Variants in SLC47A2 observed in about 807,000 individuals in gnomAD.
The protein encoded by SLC47A2 is multidrug and toxin extrusion protein 2.
SLC47A2 carries 52 observed loss-of-function variants against 67.7 expected under a neutral mutation model. That is an observed-to-expected ratio of 0.77 (90% CI 0.61 to 0.97). The LOEUF is 0.97. SLC47A2 is among the 50% of genes least tolerant of loss of function. SLC47A2 has a pLI of 0.00. For synonymous variants in SLC47A2, 278 were observed against 292.9 expected (o/e 0.95, Z 0.52); for missense variants, 676 against 712.3 (o/e 0.95, Z 0.58).
rs2085312580 is a variant in SLC47A2 at position 19,681,470 on chromosome 17, G to C, written c.1298-9C>G. On this transcript the variant is annotated splice_polypyrimidine_tract_variant and intron_variant, in intron 14 of 16. Coordinates refer to ENST00000433844, the MANE Select transcript of SLC47A2 (RefSeq NM_001099646.3). ...CATGCCCAGCCAGAGGCCTGGAGGA[G>C]ACAAGTGATGATGGGAACAATGTCC... 1.2e-6 allele frequency: 2 copies of C among 1,614,078 alleles called. No individual in the cohort carries two copies.
intron 1 of SLC47A2, 38 bp from the exon 2 acceptor site, chr17:19,715,255 G>A (rs755030756): frequency 6.3e-7 from 1 of 1,576,862 alleles, no homozygotes; most frequent in Non-Finnish European, 8.6e-7. Context: ...GGGGCCACAG[G>A]TGCCCACACA....
At chr17:19,703,777 G>A (rs997911197) in intron 11 of SLC47A2, among the ~76,000 whole-genome samples, 1 of 152,204 alleles carries the variant, frequency 6.6e-6, no homozygotes, top group African/African-American at 2.4e-5. Flanking sequence ...TTGCTCTAAG[G>A]TAAGTGGTAG....
rs529520024 is a variant in SLC47A2, at chr17:19,706,730, G to A, written c.759C>T (p.Gly253=). ...TGGGGACAGCCAGGGAGAAGAAGGG[G>A]CCCCAGTCCTGCAGGCACTGGCTGG... The part of the protein sequence containing the change: ...GWSSQCLQDW[G]PFFSLAVPSM... The change falls in exon 9 of 17, where the codon GGC becomes GGT. Residue 253 remains glycine, a synonymous_variant. Transcript: ENST00000433844. 1 of 1,610,834 alleles carries A rather than the reference G, an allele frequency of 6.2e-7. No individual in the cohort carries two copies. Among genetic ancestry groups the A allele is most frequent in the African/African-American group, 1.3e-5 (1 of 74,788 alleles).
At chr17:19,697,477 A>G (rs2085689762) in intron 13 of SLC47A2, among the ~76,000 whole-genome samples, 2 of 152,218 alleles carry the variant, frequency 1.3e-5, no homozygotes, top group Admixed American at 1.3e-4. Context: ...CTATCTCTCA[A>G]CACTGTTACA....
Position 19,713,719 on chromosome 17 carries a change from G to A in SLC47A2, c.443+106C>T, listed in dbSNP as rs1462421782. 4 of 1,476,296 alleles carry A rather than the reference G, an allele frequency of 2.7e-6. No homozygotes were observed. The East Asian group carries it at 9.2e-5, about 34-fold the overall frequency. The allele number at this position is 1,476,296 out of a possible 1,614,324, so 91.4% of individuals were successfully genotyped here. A position where few individuals can be genotyped will look rare whatever the true frequency, so the allele number is the denominator to read the frequency against. ...CAGGCACCGTGCACTGTGAGCACTC[G>A]TGGCCTAGAGAAGCATGGGGTGTGA... On this transcript the variant is annotated intron_variant, in intron 4 of 16. Coordinates refer to ENST00000433844, the MANE Select transcript of SLC47A2 (RefSeq NM_001099646.3).
intron 13 of SLC47A2, among the ~76,000 whole-genome samples, chr17:19,691,120 TC>T (rs1031355263): frequency 2.0e-5 from 3 of 147,756 alleles, no homozygotes; most frequent in African/African-American, 7.5e-5. Context: ...CGAAACTCCG[TC>T]TAAAAAAAAA....
Position 19,685,992 on chromosome 17 carries a change from G to A in SLC47A2, c.1165-4322C>T, listed in dbSNP as rs1344559595. On this transcript the variant is annotated intron_variant, in intron 13 of 16. Transcript: ENST00000433844. The surrounding 1 kb of genome is among the most constrained non-coding windows in gnomAD (Gnocchi z 4.5). ...TAATGGATTATTGGCCAGGCACAGT[G>A]GCTGATGTCTGTAATCCCAGCACTT... is the stretch of plus-strand genomic sequence containing the variant. 6.6e-6 allele frequency among the ~76,000 whole-genome samples: 1 copy of A among 152,112 alleles called. No homozygotes were observed. The highest frequency in any genetic ancestry group is 1.5e-5 in the Non-Finnish European group (1 of 68,022).
intron 14 of SLC47A2, 34 bp downstream of exon 14, chr17:19,681,503 AC>A (rs1385690442): frequency 6.2e-7 from 1 of 1,614,136 alleles, no homozygotes; most frequent in South Asian, 1.1e-5. Flanking sequence ...TCCGACGACC[AC>A]CCAGGCCTCT....
At chr17:19,682,190 A>C (rs772376129) in intron 13 of SLC47A2, among the ~76,000 whole-genome samples, 18 of 152,038 alleles carry the variant, frequency 1.2e-4, no homozygotes, top group Non-Finnish European at 2.4e-4. Context: ...AAATGGTGAA[A>C]CCCCATCTCT....
chr17:19,702,962 GA>G, intron 12 of SLC47A2, 129 bp downstream of exon 12: 1 of 1,064,318 alleles, frequency 9.4e-7, no homozygotes, highest in Non-Finnish European at 1.4e-6. Context: ...TCCTCTCAGT[GA>G]GAGCCAAGCC....
chr17:19,713,950 C>G lies in SLC47A2; in HGVS notation c.318G>C (p.Lys106Asn), dbSNP rs145393550. Residue 106 changes from lysine (K) to asparagine (N), a missense_variant, in exon 4 of 17, where the codon AAG becomes AAC. Physicochemically the swap from Lys to Asn is moderately conservative, Grantham distance 94 (BLOSUM62 0). Transcript: ENST00000433844. ...MSQSFGSPNKKHVGVILQRGA... is the reference protein window; with the variant it reads ...MSQSFGSPNKNHVGVILQRGA... ...CCCGCTGCAGGATCACGCCCACGTG[C>G]TTCTTGTTGGGGCTGCCGAAGCTCT... The G allele has an allele frequency of 5.4e-5, 87 of 1,613,056 alleles. No homozygotes were observed. Among genetic ancestry groups the G allele is most frequent in the Non-Finnish European group, 7.0e-5 (83 of 1,179,464 alleles).
intron 13 of SLC47A2, among the ~76,000 whole-genome samples, chr17:19,692,092 G>A (rs545832871): frequency 6.6e-6 from 1 of 152,102 alleles, no homozygotes; most frequent in Non-Finnish European, 1.5e-5. Flanking sequence ...GCCAGATGTG[G>A]TGGTGGGCAC....
chr17:19,678,704 G>T lies in SLC47A2; in HGVS notation c.1683C>A (p.Ile561=), dbSNP rs767258074. 1.9e-6 allele frequency: 3 copies of T among 1,612,860 alleles called. No individual in the cohort carries two copies. The highest frequency in any genetic ancestry group is 1.3e-5 in the African/African-American group (1 of 75,010). Residue 561 remains isoleucine (I), a synonymous_variant, in exon 17 of 17, where the codon ATC becomes ATA. Coordinates refer to ENST00000433844, the MANE Select transcript of SLC47A2 (RefSeq NM_001099646.3). ...ATLMVGLTVR[I]LATRH is the part of the protein sequence containing the mutation. ...TTCTTTGCTAGTGCCTGGTGGCTAG[G>T]ATCCTGACCGTGAGCCCCACCATCA...
chr17:19,707,927 C>CA, intron 7 of SLC47A2, 84 bp from the exon 8 acceptor site: 1 of 1,317,602 alleles, frequency 7.6e-7, no homozygotes, highest in Non-Finnish European at 1.1e-6. Context: ...CTCTGGCGGC[C>CA]AGCCCGTGTG....
chr17:19,691,952 T>A (rs1316019448), intron 13 of SLC47A2, among the ~76,000 whole-genome samples: 1 of 152,102 alleles, frequency 6.6e-6, no homozygotes, highest in Non-Finnish European at 1.5e-5. Flanking sequence ...TAAAATTGGC[T>A]GGCGCAGTGG....
intron 15 of SLC47A2, 91 bp from the exon 16 acceptor site, chr17:19,680,130 T>C: frequency 7.9e-7 from 1 of 1,273,014 alleles, no homozygotes; most frequent in Non-Finnish European, 1.1e-6. Context: ...TTTAAAACAT[T>C]GCAAGCTGAA....
chr17:19,712,890 C>A, intron 4 of SLC47A2, 145 bp from the exon 5 acceptor site: 2 of 730,782 alleles, frequency 2.7e-6, no homozygotes, highest in Non-Finnish European at 4.6e-6. Flanking sequence ...TCAGGGGCTG[C>A]TGCTTCCAGA....
intron 1 of SLC47A2, 93 bp downstream of exon 1, chr17:19,716,340 T>C: frequency 6.8e-7 from 1 of 1,471,568 alleles, no homozygotes; most frequent in Non-Finnish European, 9.0e-7. Context: ...GGGGAAAATG[T>C]GAGCACATTT....
chr17:19,714,536 C>A (rs893420352), intron 3 of SLC47A2, 185 bp downstream of exon 3: 3 of 692,128 alleles, frequency 4.3e-6, no homozygotes, highest in Non-Finnish European at 5.1e-6. Flanking sequence ...CAGACTCTTT[C>A]AAAGGGGAGG....
Sources: allele counts gnomAD v4.1 joint callset (sites outside exome capture counted in the v4.1 genomes callset), GRCh38; gene constraint gnomAD v4.1.1; non-coding constraint Gnocchi (gnomAD v3.1); transcripts MANE v1.5; gene names NCBI Gene and HGNC (gene_info 2026-07-23, HGNC 2026-07-21).